The following FAM120A variants were observed in gnomAD, a reference collection of about 807,000 sequenced individuals.
The protein encoded by FAM120A is family with sequence similarity 120 member A.
FAM120A carries 15 observed loss-of-function variants against 109.7 expected under a neutral mutation model. The observed-to-expected ratio is 0.14, with a 90% CI of 0.09 to 0.21. The LOEUF is 0.21. Ranked by LOEUF, FAM120A falls within the 10% of genes least tolerant of loss-of-function variation. The pLI is 1.00. For missense variants in FAM120A, 899 were observed against 1,439.3 expected (o/e 0.62, Z 6.07); for synonymous variants, 493 against 572.8 (o/e 0.86, Z 1.99).
At chr9:93,486,629 G>A (rs1416318217) in intron 3 of FAM120A, among the ~76,000 whole-genome samples, 2 of 151,386 alleles carry the variant, frequency 1.3e-5, no homozygotes, top group Admixed American at 6.6e-5. Flanking sequence ...TGCCTCCCAG[G>A]CTCAAGTGAT....
chr9:93,469,112 G>A (rs1381380128), intron 1 of FAM120A, among the ~76,000 whole-genome samples: 1 of 152,186 alleles, frequency 6.6e-6, no homozygotes, highest in African/African-American at 2.4e-5. Context: ...CTCCTTTCAG[G>A]TCTTGGTTAG....
At chr9:93,470,270 A>T (rs1858250822) in intron 1 of FAM120A, among the ~76,000 whole-genome samples, 5 of 152,238 alleles carry the variant, frequency 3.3e-5, no homozygotes, top group Admixed American at 3.3e-4. Context: ...GAGTATGTGA[A>T]ACAGCAGGAG....
At chr9:93,492,274 T>C (rs1445885102) in intron 3 of FAM120A, among the ~76,000 whole-genome samples, 1 of 152,196 alleles carries the variant, frequency 6.6e-6, no homozygotes, top group African/African-American at 2.4e-5. Context: ...TTAAAACACT[T>C]AACAAGTTTC....
At chr9:93,538,499 A>G (rs1429421340) in intron 10 of FAM120A, among the ~76,000 whole-genome samples, 1 of 152,208 alleles carries the variant, frequency 6.6e-6, no homozygotes, top group African/African-American at 2.4e-5. Context: ...GTCAAGTATA[A>G]TAGTAGCTGC....
At chr9:93,564,119 C>T (rs949025795) in intron 17 of FAM120A, 110 bp from the exon 18 acceptor site, 9 of 1,084,094 alleles carry the variant, frequency 8.3e-6, no homozygotes, top group South Asian at 3.0e-5. Flanking sequence ...CCCAGCTGGG[C>T]ATTTTCTGCT....
intron 3 of FAM120A, among the ~76,000 whole-genome samples, chr9:93,493,880 T>C (rs567918257): frequency 3.2e-4 from 48 of 152,310 alleles, no homozygotes; most frequent in African/African-American, 1.1e-3. Context: ...CTGGAGCTCC[T>C]GGAGCGCTCT....
chr9:93,545,743 G>A (rs1048425707), intron 11 of FAM120A, among the ~76,000 whole-genome samples: 7 of 146,406 alleles, frequency 4.8e-5, no homozygotes, highest in East Asian at 2.0e-4. Context: ...TCAGCTGAAC[G>A]TGATTTCCAT....
intron 7 of FAM120A, among the ~76,000 whole-genome samples, chr9:93,517,848 G>A (rs1860667721): frequency 6.6e-6 from 1 of 152,152 alleles, no homozygotes; most frequent in African/African-American, 2.4e-5. Flanking sequence ...GTCTTTGTTA[G>A]GATGAGCTGA....
intron 11 of FAM120A, among the ~76,000 whole-genome samples, chr9:93,546,307 C>G (rs766231000): frequency 6.6e-6 from 1 of 152,180 alleles, no homozygotes; most frequent in African/African-American, 2.4e-5. Flanking sequence ...GAGCACCTGA[C>G]AGGCCACCAT....
chr9:93,523,287 C>G (rs1186286887), intron 7 of FAM120A: 1 of 1,287,636 alleles, frequency 7.8e-7, no homozygotes, highest in Non-Finnish European at 1.0e-6. Context: ...AAGGCCTTTC[C>G]AACTCTACTT....
intron 5 of FAM120A, among the ~76,000 whole-genome samples, chr9:93,505,525 A>C (rs896313581): frequency 6.6e-6 from 1 of 152,212 alleles, no homozygotes; most frequent in Non-Finnish European, 1.5e-5. Flanking sequence ...CAGAGTTCTT[A>C]ATGTCAAATA....
intron 1 of FAM120A, among the ~76,000 whole-genome samples, chr9:93,470,050 A>G (rs1204827268): frequency 6.6e-6 from 1 of 152,208 alleles, no homozygotes; most frequent in Non-Finnish European, 1.5e-5. Context: ...TTAATTTAAT[A>G]TAAACTTTCT....
intron 3 of FAM120A, among the ~76,000 whole-genome samples, chr9:93,482,629 G>T (rs1858869557): frequency 6.6e-6 from 1 of 152,188 alleles, no homozygotes; most frequent in African/African-American, 2.4e-5. Context: ...AGAGAGTAGT[G>T]AGGAGGGTAG....
intron 3 of FAM120A, among the ~76,000 whole-genome samples, chr9:93,478,036 A>C (rs1275700509): frequency 2.6e-5 from 4 of 152,228 alleles, no homozygotes; most frequent in Admixed American, 2.0e-4. Context: ...TAAGTTGCAG[A>C]TATGACACTT....
At chr9:93,503,896 G>A (rs1369911838) in intron 5 of FAM120A, among the ~76,000 whole-genome samples, 1 of 152,086 alleles carries the variant, frequency 6.6e-6, no homozygotes, top group Non-Finnish European at 1.5e-5. Context: ...TTCATGACAG[G>A]CAGTGTGCTG....
chr9:93,552,480 C>T (rs1862134480), intron 12 of FAM120A, among the ~76,000 whole-genome samples: 1 of 152,090 alleles, frequency 6.6e-6, no homozygotes, highest in Admixed American at 6.6e-5. Context: ...GCAGCCTACA[C>T]CTGTAAGTGC....
At chr9:93,513,198 A>G (rs1176525511) in intron 5 of FAM120A, among the ~76,000 whole-genome samples, 1 of 152,244 alleles carries the variant, frequency 6.6e-6, no homozygotes, top group Non-Finnish European at 1.5e-5. Flanking sequence ...CCTGCCTATC[A>G]GAATCACCTG....
In FAM120A at chr9:93,557,910, T is replaced by A. The variant is rs749730529; in HGVS notation, c.2568T>A (p.Pro856=). ...LSFSRQSHTL[P]FPPPPALPFY... ...TCTCCAGGCAGAGCCACACGCTCCC[T>A]TTCCCGCCGCCACCTGCCCTGCCCT... Residue 856 remains proline, a synonymous_variant, in exon 14 of 18, where the codon CCT becomes CCA. Coordinates refer to ENST00000277165, the MANE Select transcript of FAM120A (RefSeq NM_014612.5). The A allele has an allele frequency of 6.2e-7, 1 of 1,611,796 alleles. No individual in the cohort carries two copies. Among genetic ancestry groups the A allele is most frequent in the Non-Finnish European group, 8.5e-7 (1 of 1,180,008 alleles).
At chr9:93,491,316 G>A (rs1047376750) in intron 3 of FAM120A, among the ~76,000 whole-genome samples, 6 of 152,294 alleles carry the variant, frequency 3.9e-5, no homozygotes, top group Middle Eastern at 3.4e-3. Context: ...GGGCACCACC[G>A]CTCATGGATT....
Sources: allele counts gnomAD v4.1 joint callset (sites outside exome capture counted in the v4.1 genomes callset), GRCh38; gene constraint gnomAD v4.1.1; transcripts MANE v1.5; gene names NCBI Gene and HGNC (gene_info 2026-07-23, HGNC 2026-07-21).